Variants in KCND3 observed in about 807,000 individuals in gnomAD.
The protein encoded by KCND3 is potassium voltage-gated channel subfamily D member 3, also known as A-type voltage-gated potassium channel KCND3.
Under a neutral mutation model 51.1 loss-of-function variants are expected in KCND3, and 9 were observed. The ratio of observed to expected loss-of-function variants is 0.18; its 90% confidence interval spans 0.11 to 0.31. The LOEUF (loss-of-function observed/expected upper bound fraction) is 0.31, where lower values mean the gene tolerates loss of function less well. KCND3 is among the 10% of genes least tolerant of loss of function. KCND3 has a pLI of 1.00. For synonymous variants in KCND3, 349 were observed against 368.0 expected (o/e 0.95, Z 0.59); for missense variants, 526 against 903.8 (o/e 0.58, Z 5.36).
rs150994653 is a variant in KCND3 at position 111,793,830 on chromosome 1, G to T, written c.1107-6724C>A. ...AAAAGAAAAAGCAGAAACAGTCATG[G>T]CTTAGAAAAAAAAAATTTAAACCCA... On this transcript the variant is annotated intron_variant, in intron 2 of 7. Coordinates refer to ENST00000302127, the MANE Select transcript of KCND3 (RefSeq NM_001378969.1). Among the ~76,000 whole-genome samples the T allele has an allele frequency of 3.0e-4, 46 of 151,080 alleles. No homozygotes were observed. In the East Asian group the frequency reaches 8.7e-3, roughly 29 times the overall value.
At chr1:111,839,472 C>G (rs1305999862) in intron 2 of KCND3, among the ~76,000 whole-genome samples, 1 of 152,242 alleles carries the variant, frequency 6.6e-6, no homozygotes, top group Non-Finnish European at 1.5e-5. Flanking sequence ...AACATTATGT[C>G]ATTTCCCCAA....
intron 3 of KCND3, among the ~76,000 whole-genome samples, chr1:111,781,746 G>C (rs1463318411): frequency 6.6e-6 from 1 of 152,122 alleles, no homozygotes; most frequent in African/African-American, 2.4e-5. Flanking sequence ...TACCATGCAG[G>C]AGGGCTGCAT....
At chr1:111,898,753 A>C (rs1486195857) in intron 2 of KCND3, among the ~76,000 whole-genome samples, 1 of 152,162 alleles carries the variant, frequency 6.6e-6, no homozygotes, top group East Asian at 1.9e-4. Flanking sequence ...CAGAGACCAC[A>C]GAGTGTGGGG....
intron 2 of KCND3, among the ~76,000 whole-genome samples, chr1:111,790,158 G>GA (rs1664768011): frequency 6.6e-6 from 1 of 152,258 alleles, no homozygotes; most frequent in African/African-American, 2.4e-5. Flanking sequence ...ATTAAGAGAG[G>GA]ACACTGGAGT....
chr1:111,885,440 G>A (rs1426026853), intron 2 of KCND3, among the ~76,000 whole-genome samples: 1 of 152,208 alleles, frequency 6.6e-6, no homozygotes, highest in Non-Finnish European at 1.5e-5. Flanking sequence ...GACTTTGTTA[G>A]TGAAAACAAC....
intron 2 of KCND3, among the ~76,000 whole-genome samples, chr1:111,820,973 C>G (rs1334948136): frequency 6.6e-6 from 1 of 152,204 alleles, no homozygotes; most frequent in Admixed American, 6.5e-5. Flanking sequence ...CCAACCCTGC[C>G]TACACCTTAA....
chr1:111,774,947 A>G lies in KCND3; in HGVS notation c.*1130T>C, dbSNP rs1423724412. 1.3e-5 allele frequency: 2 copies of G among 152,248 alleles called. No homozygotes were observed. The highest frequency in any genetic ancestry group is 1.5e-5 in the Non-Finnish European group (1 of 68,064). 9.4% of individuals were successfully genotyped at this position (152,248 alleles called of 1,614,324 possible). ...CCTTCCGTTCTCCCCTCACTGGCAC[A>G]TACCAGAGTTGACCGCGTCTCAGGT... On this transcript the variant is annotated 3_prime_UTR_variant, in exon 8 of 8. Transcript: ENST00000302127.
chr1:111,871,289 T>C (rs1446097815), intron 2 of KCND3, among the ~76,000 whole-genome samples: 5 of 152,148 alleles, frequency 3.3e-5, no homozygotes, highest in South Asian at 2.1e-4. Flanking sequence ...AAATGAACTG[T>C]GGTAGGAACG....
At chr1:111,854,203 T>C (rs1268860997) in intron 2 of KCND3, among the ~76,000 whole-genome samples, 2 of 152,188 alleles carry the variant, frequency 1.3e-5, no homozygotes, top group Non-Finnish European at 2.9e-5. Flanking sequence ...CTGACTCTAG[T>C]TGGAAACCTT....
At chr1:111,792,360 C>T (rs570744322) in intron 2 of KCND3, among the ~76,000 whole-genome samples, 1 of 152,304 alleles carries the variant, frequency 6.6e-6, no homozygotes, top group Non-Finnish European at 1.5e-5. Flanking sequence ...GGCAGAACAA[C>T]TGGGGTTAGA....
At chr1:111,850,903 G>A (rs545572381) in intron 2 of KCND3, among the ~76,000 whole-genome samples, 2 of 152,232 alleles carry the variant, frequency 1.3e-5, no homozygotes, top group African/African-American at 2.4e-5. Flanking sequence ...CCCCGTGTGG[G>A]GTTTACTCTC....
At chr1:111,828,612 C>G (rs1666684865) in intron 2 of KCND3, among the ~76,000 whole-genome samples, 1 of 152,174 alleles carries the variant, frequency 6.6e-6, no homozygotes, top group African/African-American at 2.4e-5. Flanking sequence ...TGAGTAGGAC[C>G]TATCTTCACT....
chr1:111,843,562 G>C (rs151329355), intron 2 of KCND3, among the ~76,000 whole-genome samples: 1 of 152,186 alleles, frequency 6.6e-6, no homozygotes, highest in African/African-American at 2.4e-5. Context: ...TCTTGCCTGG[G>C]TGGACATCTT....
At chr1:111,889,925 T>G (rs1180994738) in intron 2 of KCND3, among the ~76,000 whole-genome samples, 1 of 151,946 alleles carries the variant, frequency 6.6e-6, no homozygotes, top group Non-Finnish European at 1.5e-5. Context: ...TTTCAGGCAG[T>G]GGGAACAGCC....
At chr1:111,849,208 C>T (rs921461845) in intron 2 of KCND3, among the ~76,000 whole-genome samples, 7 of 152,212 alleles carry the variant, frequency 4.6e-5, no homozygotes, top group Non-Finnish European at 7.3e-5. Context: ...GGTGCTGCTA[C>T]AATACCACCA....
intron 2 of KCND3, among the ~76,000 whole-genome samples, chr1:111,871,074 T>C (rs930836245): frequency 6.6e-6 from 1 of 152,150 alleles, no homozygotes; most frequent in Non-Finnish European, 1.5e-5. Flanking sequence ...AATGGGGGCA[T>C]ATGTGAGGCA....
intron 2 of KCND3, among the ~76,000 whole-genome samples, chr1:111,971,545 C>T (rs1674330506): frequency 6.7e-6 from 1 of 150,082 alleles, no homozygotes; most frequent in Admixed American, 6.7e-5. Flanking sequence ...TCTTCTCTTC[C>T]CTCCCTTCAT....
intron 3 of KCND3, among the ~76,000 whole-genome samples, chr1:111,783,003 A>G (rs967834277): frequency 3.9e-5 from 6 of 152,138 alleles, no homozygotes; most frequent in African/African-American, 1.4e-4. Context: ...CACACTGCAC[A>G]GGTGCTCAAG....
chr1:111,940,342 G>A (rs1044771027), intron 2 of KCND3, among the ~76,000 whole-genome samples: 2 of 151,722 alleles, frequency 1.3e-5, no homozygotes, highest in Non-Finnish European at 2.9e-5. Context: ...TTTTCTTCTC[G>A]GGTTTTTATG....
Sources: gnomAD v4.1 joint callset for allele counts (sites outside exome capture counted in the v4.1 genomes callset) on GRCh38, gnomAD v4.1.1 for gene constraint, MANE v1.5 for transcripts, NCBI Gene and HGNC (gene_info 2026-07-23, HGNC 2026-07-21) for gene names.